Variants in PIAS2 observed in about 807,000 individuals in gnomAD.
The protein encoded by PIAS2 is protein inhibitor of activated STAT 2, also known as E3 SUMO-protein ligase PIAS2.
Under a neutral mutation model 69.7 loss-of-function variants are expected in PIAS2, and 19 were observed. That is an observed-to-expected ratio of 0.27 (90% CI 0.19 to 0.40). PIAS2 has a LOEUF of 0.40. Among genes scored for constraint, PIAS2 ranks in the 10% least tolerant of loss-of-function variants. The pLI is 1.00. For synonymous variants in PIAS2, 261 were observed against 263.2 expected (o/e 0.99, Z 0.08); for missense variants, 624 against 757.0 (o/e 0.82, Z 2.06).
rs111750080 is a variant in PIAS2, at chr18:46,913,161, C to T, written c.24+4161G>A. Among the ~76,000 whole-genome samples, 590 of 152,186 alleles carry T rather than the reference C, an allele frequency of 3.9e-3. 8 individuals carry two copies. Among genetic ancestry groups the T allele is most frequent in the African/African-American group, 0.014 (567 of 41,502 alleles). Reference sequence around the variant, plus strand: ...CCTGCCCAATAAATGGGGAGAGGAGCGTGATGAGGACCTCTAACCTCAAAT... The same window carrying T: ...CCTGCCCAATAAATGGGGAGAGGAGTGTGATGAGGACCTCTAACCTCAAAT... On this transcript the variant is annotated intron_variant, in intron 1 of 13. Coordinates refer to ENST00000585916, the MANE Select transcript of PIAS2 (RefSeq NM_004671.5).
At position 46,807,885 on chromosome 18, in the gene PIAS2, T is replaced by A. The variant is rs1400566984; in HGVS notation, c.*4548A>T. ...CCCTTCCCATACCATCTAGCTGCAG[T>A]ATAAATTAACATACCCATGTGGAAA... On this transcript the variant is annotated 3_prime_UTR_variant, in exon 14 of 14. Coordinates refer to ENST00000585916, the MANE Select transcript of PIAS2 (RefSeq NM_004671.5). 1 of 152,174 alleles carries A rather than the reference T, an allele frequency of 6.6e-6. No homozygotes were observed. The highest frequency in any genetic ancestry group is 1.5e-5 in the Non-Finnish European group (1 of 68,042). The allele number at this position is 152,174 out of a possible 1,614,324, so 9.4% of individuals were successfully genotyped here. A position where few individuals can be genotyped will look rare whatever the true frequency, so the allele number is the denominator to read the frequency against.
chr18:46,907,612 AT>A (rs1484725073), intron 1 of PIAS2: 1 of 152,260 alleles, frequency 6.6e-6, no homozygotes, highest in Non-Finnish European at 1.5e-5. Flanking sequence ...AACATATCCA[AT>A]AACAAAAACC....
intron 1 of PIAS2, among the ~76,000 whole-genome samples, chr18:46,910,739 G>C (rs1047200753): frequency 6.6e-6 from 1 of 152,168 alleles, no homozygotes; most frequent in African/African-American, 2.4e-5. Flanking sequence ...TTCTACAGGA[G>C]AATAACCATC....
At chr18:46,884,213 ATAACT>A (rs1278620211) in intron 2 of PIAS2, among the ~76,000 whole-genome samples, 18 of 152,342 alleles carry the variant, frequency 1.2e-4, no homozygotes, top group East Asian at 3.9e-4. Context: ...TTGAATCTTT[ATAACT>A]TAACATGTTT....
At chr18:46,865,522 C>CAAAAAAAAAAAAAAA (rs11321908) in intron 2 of PIAS2, among the ~76,000 whole-genome samples, 1 of 108,260 alleles carries the variant, frequency 9.2e-6, no homozygotes. Flanking sequence ...CGATAGTCTT[C>CAAAAAAAAAAAAAAA]AAAAAAAAAA....
At chr18:46,843,953 A>C in intron 8 of PIAS2, 101 bp downstream of exon 8, 1 of 636,512 alleles carries the variant, frequency 1.6e-6, no homozygotes, top group Non-Finnish European at 2.7e-6. Flanking sequence ...AAAGTTCAGC[A>C]TTCTTCATAA....
chr18:46,898,822 C>A (rs976373808), intron 1 of PIAS2, among the ~76,000 whole-genome samples: 1 of 151,824 alleles, frequency 6.6e-6, no homozygotes, highest in Non-Finnish European at 1.5e-5. Context: ...GGTGAAATCC[C>A]GTCTCTACTA....
At chr18:46,846,569 T>C (rs1332804132) in intron 6 of PIAS2, 138 bp downstream of exon 6, 2 of 808,150 alleles carry the variant, frequency 2.5e-6, no homozygotes, top group Non-Finnish European at 3.7e-6. Flanking sequence ...CACTGCCACC[T>C]CTAAACTGAA....
At chr18:46,824,535 T>G (rs2042577722) in intron 11 of PIAS2, among the ~76,000 whole-genome samples, 1 of 152,168 alleles carries the variant, frequency 6.6e-6, no homozygotes, top group Non-Finnish European at 1.5e-5. Flanking sequence ...CTGACAGGTA[T>G]TATAAGACTG....
At chr18:46,836,988 C>T (rs1307419638) in intron 8 of PIAS2, among the ~76,000 whole-genome samples, 1 of 152,094 alleles carries the variant, frequency 6.6e-6, no homozygotes, top group African/African-American at 2.4e-5. Flanking sequence ...TAAAAAGCTA[C>T]CATTATATGA....
At chr18:46,865,441 G>GAC (rs1213372088) in intron 2 of PIAS2, among the ~76,000 whole-genome samples, 2 of 151,270 alleles carry the variant, frequency 1.3e-5, no homozygotes, top group Non-Finnish European at 2.9e-5. Flanking sequence ...TCCAGAGGCT[G>GAC]AGGCAGAAGA....
intron 2 of PIAS2, among the ~76,000 whole-genome samples, chr18:46,875,361 C>A (rs1298700133): frequency 2.0e-5 from 3 of 152,222 alleles, no homozygotes; most frequent in Admixed American, 2.0e-4. Context: ...GAAACTCCAA[C>A]TTACGTGGTC....
At chr18:46,895,545 C>T (rs2054720133) in intron 1 of PIAS2, among the ~76,000 whole-genome samples, 1 of 152,052 alleles carries the variant, frequency 6.6e-6, no homozygotes, top group Non-Finnish European at 1.5e-5. Context: ...GTGTCTCGCA[C>T]CTGTAATTCC....
At chr18:46,823,170 C>T (rs988692914) in intron 11 of PIAS2, among the ~76,000 whole-genome samples, 7 of 151,440 alleles carry the variant, frequency 4.6e-5, no homozygotes, top group African/African-American at 1.7e-4. Flanking sequence ...GAGGTAGAGG[C>T]TGCAGTGAGC....
chr18:46,864,217 C>T lies in PIAS2; in HGVS notation c.531G>A (p.Lys177=), dbSNP rs2049079066. The change falls in exon 3 of 14, where the codon AAG becomes AAA. Residue 177 remains lysine (K), a synonymous_variant. Coordinates refer to ENST00000585916, the MANE Select transcript of PIAS2 (RefSeq NM_004671.5). ...VQSSIQRFQE[K]FFIFALTPQQ... is the part of the protein sequence containing the mutation. The stretch of plus-strand genomic sequence containing the variant: ...GAGGTGTCAAAGCAAAAATAAAAAA[C>T]TTCTCTTGAAATCGCTGAATACTGC... The T allele has an allele frequency of 2.5e-6, 4 of 1,595,750 alleles. No homozygotes were observed. Among genetic ancestry groups the T allele is most frequent in the Non-Finnish European group, 3.4e-6 (4 of 1,170,902 alleles).
At chr18:46,919,007 A>ATATGTGTG (rs550181494), upstream of PIAS2, among the ~76,000 whole-genome samples, 1 of 143,310 alleles carries the variant, frequency 7.0e-6, no homozygotes, top group Non-Finnish European at 1.5e-5. Flanking sequence ...ATATATATAT[A>ATATGTGTG]TGTGTGTGTG....
At chr18:46,886,893 A>G (rs2053298248) in intron 2 of PIAS2, among the ~76,000 whole-genome samples, 1 of 152,168 alleles carries the variant, frequency 6.6e-6, no homozygotes, top group South Asian at 2.1e-4. Context: ...TGCTCCTGTT[A>G]CTAATTTTAA....
At chr18:46,854,742 C>T (rs1404141831) in intron 5 of PIAS2, among the ~76,000 whole-genome samples, 1 of 152,104 alleles carries the variant, frequency 6.6e-6, no homozygotes, top group East Asian at 1.9e-4. Flanking sequence ...ACCCACCCAC[C>T]ACAAGTGAAT....
In PIAS2 at chr18:46,836,408, A is replaced by G. The variant is rs1170482321; in HGVS notation, c.1151T>C (p.Ile384Thr). The G allele has an allele frequency of 6.2e-7, 1 of 1,614,076 alleles. No homozygotes were observed. Among genetic ancestry groups the G allele is most frequent in the Non-Finnish European group, 8.5e-7 (1 of 1,179,948 alleles). ...LQMNEKKPTWICPVCDKKAAY... is the reference protein window; with the variant it reads ...LQMNEKKPTWTCPVCDKKAAY... ...AGCTTTTTTGTCACACACAGGACAA[A>G]TCCAGGTGGGCTTTTTCTCATTCAT... is the stretch of plus-strand genomic sequence containing the variant. Residue 384 changes from isoleucine (I) to threonine (T), a missense_variant, in exon 9 of 14, where the codon ATT (isoleucine) becomes ACT (threonine). Ile to Thr is a moderately conservative substitution (Grantham distance 89). Coordinates refer to ENST00000585916, the MANE Select transcript of PIAS2 (RefSeq NM_004671.5).
Sources: gnomAD v4.1 joint callset for allele counts (sites outside exome capture counted in the v4.1 genomes callset) on GRCh38, gnomAD v4.1.1 for gene constraint, MANE v1.5 for transcripts, NCBI Gene and HGNC (gene_info 2026-07-23, HGNC 2026-07-21) for gene names.